RBFOX1: variants seen among roughly 807,000 people sequenced by gnomAD.
RBFOX1 encodes the protein RNA binding protein fox-1 homolog 1.
Under a neutral mutation model 57.7 loss-of-function variants are expected in RBFOX1, and 8 were observed. The observed-to-expected ratio is 0.14, with a 90% CI of 0.08 to 0.25. The LOEUF is 0.25. Ranked by LOEUF, RBFOX1 falls within the 10% of genes least tolerant of loss-of-function variation. The pLI is 1.00. For missense variants in RBFOX1, 611 were observed against 548.5 expected, an observed-to-expected ratio of 1.11 and a Z score of -1.14; for synonymous variants, 326 against 222.4, an observed-to-expected ratio of 1.47 and a Z score of -4.15.
At chr16:7,420,898 C>CACACATATATATACATATATATATAT (rs1400368198) in intron 4 of RBFOX1, among the ~76,000 whole-genome samples, 14 of 145,612 alleles carry the variant, frequency 9.6e-5, no homozygotes, top group African/African-American at 2.0e-4. Flanking sequence ...TATATATATA[C>CACACATATATATACATATATATATAT]ACACATATAT....
chr16:7,429,718 C>T (rs919912810), intron 4 of RBFOX1, among the ~76,000 whole-genome samples: 7 of 152,174 alleles, frequency 4.6e-5, no homozygotes, highest in Non-Finnish European at 1.0e-4. Context: ...TGGGAATTTA[C>T]AATTTTTATT....
chr16:5,851,150 G>C (rs1305865443), intron 3 of RBFOX1, among the ~76,000 whole-genome samples: 2 of 152,176 alleles, frequency 1.3e-5, no homozygotes, highest in Non-Finnish European at 2.9e-5. Flanking sequence ...ATTCTGGGTT[G>C]TGAAGCCAGA....
chr16:7,160,771 CCTCCCCCTTTTTTCTCCCTCCTCCGT>C lies in RBFOX1; in HGVS notation c.27+108684_27+108709del, dbSNP rs1356691590. On this transcript the variant is annotated intron_variant, in intron 4 of 15. Transcript: ENST00000550418. ...TATGTCTATTCCTCCTCCTCCTCCG[CCTCCCCCTTTTTTCTCCCTCCTCCGT>C]CTCCCCCTTTCTTCTCCCTCCTCCC... 3.3e-3 allele frequency among the ~76,000 whole-genome samples: 504 copies of C among 150,848 alleles called. 3 individuals are homozygous for C. The highest frequency in any genetic ancestry group is 0.012 in the African/African-American group (477 of 41,018).
At chr16:7,474,371 C>G (rs1018504736) in intron 4 of RBFOX1, among the ~76,000 whole-genome samples, 1 of 152,152 alleles carries the variant, frequency 6.6e-6, no homozygotes, top group South Asian at 2.1e-4. Flanking sequence ...CTCTTCTCAC[C>G]TTTTTGTGTT....
At chr16:5,270,560 A>G (rs921498997) in intron 1 of RBFOX1, 3 of 589,860 alleles carry the variant, frequency 5.1e-6, no homozygotes, top group Non-Finnish European at 9.4e-6. Context: ...TGTGAAGACT[A>G]CCGATGGTTA....
At chr16:5,320,622 T>C (rs2064375908) in intron 1 of RBFOX1, among the ~76,000 whole-genome samples, 1 of 152,226 alleles carries the variant, frequency 6.6e-6, no homozygotes. Context: ...AACATGCTTT[T>C]GTTCTGAATC....
At chr16:6,093,868 C>A (rs2096210777) in intron 1 of RBFOX1, among the ~76,000 whole-genome samples, 1 of 152,008 alleles carries the variant, frequency 6.6e-6, no homozygotes, top group South Asian at 2.1e-4. Flanking sequence ...AATTCTCCCT[C>A]CTCCGCCTCC....
intron 2 of RBFOX1, among the ~76,000 whole-genome samples, chr16:6,613,476 C>T (rs774011638): frequency 6.6e-6 from 1 of 152,040 alleles, no homozygotes; most frequent in African/African-American, 2.4e-5. Flanking sequence ...CGCTCCAACC[C>T]TTAAACAGTT....
chr16:6,487,636 T>C (rs1598020969), intron 2 of RBFOX1, among the ~76,000 whole-genome samples: 1 of 138,122 alleles, frequency 7.2e-6, no homozygotes, highest in East Asian at 2.1e-4. Context: ...ATAGTAGAAC[T>C]AGTGTTTTCA....
intron 3 of RBFOX1, among the ~76,000 whole-genome samples, chr16:6,850,386 T>C (rs36112883): frequency 6.6e-6 from 1 of 151,846 alleles, no homozygotes; most frequent in African/African-American, 2.4e-5. Context: ...CTTAGGTAGG[T>C]TGGTCCTGGA....
At chr16:6,514,779 A>C (rs28632011) in intron 2 of RBFOX1, among the ~76,000 whole-genome samples, 1 of 152,186 alleles carries the variant, frequency 6.6e-6, no homozygotes. Context: ...GTGGAGGAGA[A>C]AAAAGTGATG....
intron 2 of RBFOX1, among the ~76,000 whole-genome samples, chr16:6,356,997 C>G (rs1415771631): frequency 6.6e-6 from 1 of 152,146 alleles, no homozygotes; most frequent in Non-Finnish European, 1.5e-5. Flanking sequence ...CCCCCTTCCC[C>G]GTGCCCTGGG....
intron 2 of RBFOX1, among the ~76,000 whole-genome samples, chr16:5,534,025 C>A (rs567442571): frequency 5.7e-4 from 87 of 152,212 alleles, no homozygotes; most frequent in African/African-American, 1.9e-3. Context: ...ACCACTGAGC[C>A]AAATCTGGGA....
chr16:7,405,445 G>A (rs958463133), intron 4 of RBFOX1, among the ~76,000 whole-genome samples: 1 of 152,196 alleles, frequency 6.6e-6, no homozygotes, highest in Admixed American at 6.5e-5. Flanking sequence ...AGCTCCGGGC[G>A]AAGTGTGTTC....
At position 6,779,751 on chromosome 16, in the gene RBFOX1, A is replaced by G. The variant is rs1209684516; in HGVS notation, c.-16+125101A>G. The stretch of plus-strand genomic sequence containing the variant: ...TATATTTTTATATATTTTTATATAT[A>G]CTTTTATATATTTATATATATATTT... On this transcript the variant is annotated intron_variant, in intron 3 of 15. Coordinates refer to ENST00000550418, the MANE Select transcript of RBFOX1 (RefSeq NM_018723.4). 9.7e-4 allele frequency among the ~76,000 whole-genome samples: 24 copies of G among 24,686 alleles called. 9 individuals are homozygous for G. The highest frequency in any genetic ancestry group is 3.8e-3 in the African/African-American group (24 of 6,384). The allele number at this position is 24,686 out of a possible 152,430, so 16.2% of individuals were successfully genotyped here.
In RBFOX1 at chr16:7,527,202, G is replaced by C. The variant is rs530819726; in HGVS notation, c.270+8813G>C. ...ATTCACATTTAATTTGAAGACATGG[G>C]TACTGTCTCTTGTTTCCTTAGGAGC... On this transcript the variant is annotated intron_variant, in intron 5 of 15. Coordinates refer to ENST00000550418, the MANE Select transcript of RBFOX1 (RefSeq NM_018723.4). 2.6e-5 allele frequency among the ~76,000 whole-genome samples: 4 copies of C among 152,198 alleles called. No homozygotes were observed. The South Asian group carries it at 8.3e-4, about 32-fold the overall frequency.
At position 7,518,384 on chromosome 16, in the gene RBFOX1, G is replaced by C. The variant is rs1437060269; in HGVS notation, c.265G>C (p.Ala89Pro). ...DTSAQTVSGT[A>P]TQTDDAAPTD... ...GAGCGCTCAGACCGTCTCTGGCACC[G>C]CCACAGTAAGTGGACGTGTTTGCTA... Residue 89 changes from alanine (A) to proline (P), a missense_variant, in exon 5 of 16, where the codon GCC (alanine) becomes CCC (proline). Ala to Pro is a conservative substitution (Grantham distance 27). Transcript: ENST00000550418. 1 of 1,608,804 alleles carries C rather than the reference G, an allele frequency of 6.2e-7. No homozygotes were observed. The highest frequency in any genetic ancestry group is 8.5e-7 in the Non-Finnish European group (1 of 1,176,614).
chr16:5,624,113 AAGG>A (rs1462398904), intron 3 of RBFOX1, among the ~76,000 whole-genome samples: 4 of 152,344 alleles, frequency 2.6e-5, no homozygotes, highest in African/African-American at 7.2e-5. Flanking sequence ...TGGAAAAGCA[AAGG>A]AGAACATTTT....
At chr16:5,844,105 G>A (rs1320802669) in intron 3 of RBFOX1, among the ~76,000 whole-genome samples, 9 of 152,176 alleles carry the variant, frequency 5.9e-5, no homozygotes, top group Admixed American at 5.9e-4. Flanking sequence ...TGGAACAAAG[G>A]GATGGCTCCT....
Sources: gnomAD v4.1 joint callset for allele counts (sites outside exome capture counted in the v4.1 genomes callset) on GRCh38, gnomAD v4.1.1 for gene constraint, MANE v1.5 for transcripts, NCBI Gene and HGNC (gene_info 2026-07-23, HGNC 2026-07-21) for gene names.